ZNF475: variants seen among roughly 807,000 people sequenced by gnomAD.
ZNF475 encodes zinc finger protein 475.
At chr5:122,166,525 A>G in the ZNF475 span, among the ~76,000 whole-genome samples, 1 of 152,008 alleles carries the variant, frequency 6.6e-6, no homozygotes, top group Admixed American at 6.6e-5. Flanking sequence ...CCAGTGTATG[A>G]TGTTCCCCAC....
the ZNF475 span, chr5:122,160,325 A>G: frequency 4.9e-6 from 6 of 1,223,802 alleles, no homozygotes; most frequent in Admixed American, 2.3e-5. Context: ...GAATTTGTGT[A>G]TATGTATTAC....
chr5:122,161,289 G>T, the ZNF475 span, among the ~76,000 whole-genome samples: 1 of 152,194 alleles, frequency 6.6e-6, no homozygotes, highest in African/African-American at 2.4e-5. Flanking sequence ...CTGCTCTGAT[G>T]CCATGGTCCC....
At chr5:122,165,778 C>T in the ZNF475 span, among the ~76,000 whole-genome samples, 2 of 151,044 alleles carry the variant, frequency 1.3e-5, no homozygotes, top group Non-Finnish European at 3.0e-5. Context: ...AAAAAAAAGA[C>T]CATTAAACTT....
At chr5:122,181,458 C>T in the ZNF475 span, among the ~76,000 whole-genome samples, 3 of 152,136 alleles carry the variant, frequency 2.0e-5, no homozygotes. Flanking sequence ...CCCACATAGA[C>T]AGTGACATTT....
chr5:122,173,997 C>T, the ZNF475 span, among the ~76,000 whole-genome samples: 2 of 152,190 alleles, frequency 1.3e-5, no homozygotes, highest in Non-Finnish European at 2.9e-5. Context: ...TCTTGGATAA[C>T]GCTTTCCTGG....
chr5:122,181,319 A>G, the ZNF475 span, among the ~76,000 whole-genome samples: 2 of 152,218 alleles, frequency 1.3e-5, no homozygotes, highest in African/African-American at 2.4e-5. Context: ...AATGTGGTGA[A>G]TCACCTTCAA....
chr5:122,176,186 T>C, the ZNF475 span, among the ~76,000 whole-genome samples: 1 of 152,220 alleles, frequency 6.6e-6, no homozygotes, highest in African/African-American at 2.4e-5. Context: ...TCTCTGTGTT[T>C]TCTGGCTATA....
the ZNF475 span, among the ~76,000 whole-genome samples, chr5:122,175,843 T>C: frequency 6.6e-6 from 1 of 152,238 alleles, no homozygotes; most frequent in Non-Finnish European, 1.5e-5. Flanking sequence ...ATCCCTATCC[T>C]ATAAACAACA....
chr5:122,171,516 G>C, the ZNF475 span, among the ~76,000 whole-genome samples: 2,900 of 152,300 alleles, frequency 0.019, 38 homozygotes, highest in Non-Finnish European at 0.031. Context: ...TTGCTGAACT[G>C]TAGGATAATA....
chr5:122,168,891 C>G, the ZNF475 span, among the ~76,000 whole-genome samples: 1 of 152,214 alleles, frequency 6.6e-6, no homozygotes, highest in Admixed American at 6.5e-5. Context: ...ATAGAAAGCC[C>G]TTCCTTTTAG....
the ZNF475 span, among the ~76,000 whole-genome samples, chr5:122,166,627 C>G: frequency 6.6e-6 from 1 of 152,008 alleles, no homozygotes; most frequent in African/African-American, 2.4e-5. Flanking sequence ...CTGAAAATGA[C>G]GGTTTCCAGC....
At chr5:122,171,064 G>C in the ZNF475 span, among the ~76,000 whole-genome samples, 1 of 152,072 alleles carries the variant, frequency 6.6e-6, no homozygotes, top group East Asian at 1.9e-4. Context: ...GCTATGCAAA[G>C]CTGTATTCAT....
the ZNF475 span, among the ~76,000 whole-genome samples, chr5:122,176,727 T>C: frequency 2.3e-4 from 35 of 152,202 alleles, no homozygotes; most frequent in Admixed American, 2.0e-3. Context: ...ATGTCTCATA[T>C]AAAGTTTGGA....
At chr5:122,163,106 G>T in the ZNF475 span, 1 of 152,210 alleles carries the variant, frequency 6.6e-6, no homozygotes, top group Non-Finnish European at 1.5e-5. Context: ...GAGGATGACT[G>T]CAAAGGACCT....
the ZNF475 span, chr5:122,182,503 A>G: frequency 2.0e-6 from 3 of 1,483,790 alleles, no homozygotes; most frequent in Middle Eastern, 1.7e-4. Flanking sequence ...AAAGGCTTCT[A>G]TGATCTTGAT....
the ZNF475 span, among the ~76,000 whole-genome samples, chr5:122,176,500 G>T: frequency 1.7e-3 from 264 of 152,158 alleles, no homozygotes; most frequent in Non-Finnish European, 1.9e-3. Flanking sequence ...CAAGTCTTTT[G>T]TACAGCTCTA....
the ZNF475 span, among the ~76,000 whole-genome samples, chr5:122,173,548 A>C: frequency 6.6e-6 from 1 of 152,356 alleles, no homozygotes; most frequent in South Asian, 2.1e-4. Flanking sequence ...TGTTACACAA[A>C]CCTGGCCTAA....
chr5:122,176,631 A>G, the ZNF475 span, among the ~76,000 whole-genome samples: 1 of 152,112 alleles, frequency 6.6e-6, no homozygotes, highest in Non-Finnish European at 1.5e-5. Flanking sequence ...GGTGGGTAGG[A>G]GAGTATACAC....
chr5:122,160,178 C>T, the ZNF475 span: 4 of 1,275,604 alleles, frequency 3.1e-6, no homozygotes, highest in Non-Finnish European at 3.1e-6. Context: ...ATTTCTTCAT[C>T]TTTCCTTGGT....
Sources: gnomAD v4.1 joint callset for allele counts (sites outside exome capture counted in the v4.1 genomes callset) on GRCh38, gnomAD v4.1.1 for gene constraint, MANE v1.5 for transcripts, NCBI Gene and HGNC (gene_info 2026-07-23, HGNC 2026-07-21) for gene names.